DEFB123: variants seen among roughly 807,000 people sequenced by gnomAD.
The protein encoded by DEFB123 is defensin beta 123.
For missense variants in DEFB123, 71 were observed against 75.0 expected (o/e 0.95, Z 0.20); for synonymous variants, 22 against 28.3 (o/e 0.78, Z 0.71).
intron 1 of DEFB123, among the ~76,000 whole-genome samples, chr20:31,448,297 G>A (rs1480950991): frequency 6.6e-6 from 1 of 151,856 alleles, no homozygotes; most frequent in East Asian, 1.9e-4. Context: ...CCTTTCACTT[G>A]ATTTTGCAAT....
intron 1 of DEFB123, among the ~76,000 whole-genome samples, chr20:31,446,619 T>C (rs1266404766): frequency 6.6e-6 from 1 of 152,250 alleles, no homozygotes; most frequent in African/African-American, 2.4e-5. Flanking sequence ...AGGCCGGTCT[T>C]GTGCAGTTCC....
intron 1 of DEFB123, among the ~76,000 whole-genome samples, chr20:31,446,244 A>G (rs1037573506): frequency 3.9e-4 from 59 of 152,264 alleles, no homozygotes; most frequent in Admixed American, 3.9e-3. Flanking sequence ...GATAGACTTC[A>G]AAGCAAGGCA....
intron 1 of DEFB123, among the ~76,000 whole-genome samples, chr20:31,445,048 C>T (rs780871259): frequency 1.3e-5 from 2 of 152,116 alleles, no homozygotes; most frequent in Non-Finnish European, 2.9e-5. Context: ...TACAAGTTAT[C>T]TGTTGAAAAA....
intron 1 of DEFB123, among the ~76,000 whole-genome samples, chr20:31,448,180 GC>G (rs1368006960): frequency 6.6e-6 from 1 of 152,058 alleles, no homozygotes; most frequent in African/African-American, 2.4e-5. Flanking sequence ...CTCCCAAAGT[GC>G]TGGGATTTCA....
At chr20:31,447,684 A>G (rs1979623875) in intron 1 of DEFB123, among the ~76,000 whole-genome samples, 1 of 148,646 alleles carries the variant, frequency 6.7e-6, no homozygotes, top group Non-Finnish European at 1.5e-5. Flanking sequence ...TGGCGTGACC[A>G]CAGCTCACTG....
chr20:31,448,503 T>C (rs1187190497), intron 1 of DEFB123, among the ~76,000 whole-genome samples: 9 of 150,976 alleles, frequency 6.0e-5, no homozygotes, highest in Non-Finnish European at 1.2e-4. Flanking sequence ...AGACTACTTG[T>C]TATTGTCCCA....
At chr20:31,449,904 G>GTCTT in intron 1 of DEFB123, 125 bp from the exon 2 acceptor site, 1 of 1,201,476 alleles carries the variant, frequency 8.3e-7, no homozygotes, top group East Asian at 2.8e-5. Context: ...TAGATGAAAA[G>GTCTT]AGTCAAAGGC....
rs74644711 is a variant in DEFB123 at position 31,444,667 on chromosome 20, G to A, written c.58+3911G>A. 4.6e-5 allele frequency among the ~76,000 whole-genome samples: 7 copies of A among 152,278 alleles called. No individual in the cohort carries two copies. The East Asian group carries it at 1.3e-3, about 29-fold the overall frequency. On this transcript the variant is annotated intron_variant, in intron 1 of 1. Transcript: ENST00000376309. The stretch of plus-strand genomic sequence containing the variant: ...AAAAATTGAGATTTTGTTGTTAAAT[G>A]GTGGCTTTTTCCTTATCTTTTTGTA...
At chr20:31,449,936 A>G (rs1228110730) in intron 1 of DEFB123, 93 bp from the exon 2 acceptor site, 7 of 1,419,862 alleles carry the variant, frequency 4.9e-6, no homozygotes, top group African/African-American at 2.9e-5. Flanking sequence ...GGGACCTTCT[A>G]TCTCATCTGT....
At chr20:31,446,946 C>CAAAAAA (rs61153733) in intron 1 of DEFB123, among the ~76,000 whole-genome samples, 8 of 119,684 alleles carry the variant, frequency 6.7e-5, no homozygotes, top group East Asian at 2.6e-4. Context: ...GACTCCATCT[C>CAAAAAA]AAAAAAAAAA....
intron 1 of DEFB123, among the ~76,000 whole-genome samples, chr20:31,443,546 C>T (rs56043925): frequency 6.3e-4 from 96 of 152,324 alleles, no homozygotes; most frequent in African/African-American, 2.0e-3. Flanking sequence ...CAATTTCTTT[C>T]GACCAATCTG....
intron 1 of DEFB123, among the ~76,000 whole-genome samples, chr20:31,442,616 T>A (rs1273085051): frequency 6.7e-6 from 1 of 149,772 alleles, no homozygotes; most frequent in Non-Finnish European, 1.5e-5. Flanking sequence ...TTTTTTTTTT[T>A]TGGAGACAGG....
intron 1 of DEFB123, among the ~76,000 whole-genome samples, chr20:31,443,573 G>A (rs948227536): frequency 6.6e-6 from 1 of 152,232 alleles, no homozygotes; most frequent in Admixed American, 6.5e-5. Context: ...CATAGCAAGA[G>A]ACTCTCTTGC....
rs755937654 is a variant in DEFB123 at position 31,450,129 on chromosome 20, C to G, written c.159C>G (p.Cys53Trp). ...ACTGCATAAATAATAAAATGTGCTG[C>G]GTGAAGCCCAAGTACCAGCCAAAAG... ...YVYCINNKMC[C>W]VKPKYQPKER... Residue 53 changes from cysteine to tryptophan, a missense_variant, in exon 2 of 2, where the codon TGC (cysteine) becomes TGG (tryptophan). Transcript: ENST00000376309. 3.1e-6 allele frequency: 5 copies of G among 1,611,676 alleles called. No individual in the cohort carries two copies. Among genetic ancestry groups the G allele is most frequent in the South Asian group, 1.1e-5 (1 of 90,700 alleles).
chr20:31,449,923 C>T (rs1979694484), intron 1 of DEFB123, 106 bp from the exon 2 acceptor site: 1 of 1,372,072 alleles, frequency 7.3e-7, no homozygotes. Context: ...GCAAGGGAAA[C>T]AAGGGACCTT....
rs769808723 is a variant in DEFB123, at chr20:31,440,762, C to T, written c.58+6C>T. ...CTTATCCCAGCTGACTCCAGGTAAC[C>T]TGAACCTCCTTAAGGAAGGGGCAGG... is the stretch of plus-strand genomic sequence containing the variant. On this transcript the variant is annotated splice_donor_region_variant and intron_variant, in intron 1 of 1. Coordinates refer to ENST00000376309, the MANE Select transcript of DEFB123 (RefSeq NM_153324.4). 4 of 1,613,194 alleles carry T rather than the reference C, an allele frequency of 2.5e-6. No homozygotes were observed. The Admixed American group carries it at 6.7e-5, about 27-fold the overall frequency.
Position 31,446,957 on chromosome 20 carries a change from AAAAC to A in DEFB123, c.59-3068_59-3065del, listed in dbSNP as rs1979602086. On this transcript the variant is annotated intron_variant, in intron 1 of 1. Coordinates refer to ENST00000376309, the MANE Select transcript of DEFB123 (RefSeq NM_153324.4). Reference sequence around the variant, plus strand: ...GTGAGACTCCATCTCAAAAAAAAAAAAAACAAAAACAAAAACAAAAATAGGCCCG... The same window carrying A: ...GTGAGACTCCATCTCAAAAAAAAAAAAAAAACAAAAACAAAAATAGGCCCG... Among the ~76,000 whole-genome samples the A allele has an allele frequency of 4.9e-5, 7 of 141,730 alleles. No homozygotes were observed. In the South Asian group the frequency reaches 1.4e-3, roughly 28 times the overall value. The allele number at this position is 141,730 out of a possible 152,430, so 93.0% of individuals were successfully genotyped here.
chr20:31,445,121 A>G (rs1412459338), intron 1 of DEFB123, among the ~76,000 whole-genome samples: 1 of 152,250 alleles, frequency 6.6e-6, no homozygotes, highest in Non-Finnish European at 1.5e-5. Flanking sequence ...TACTCAAGGT[A>G]AAATTCAATG....
At chr20:31,449,618 G>T (rs1214073975) in intron 1 of DEFB123, among the ~76,000 whole-genome samples, 2 of 151,912 alleles carry the variant, frequency 1.3e-5, no homozygotes, top group African/African-American at 4.8e-5. Flanking sequence ...AGACTACAGG[G>T]TGGGCCAGGC....
Sources: gnomAD v4.1 joint callset for allele counts (sites outside exome capture counted in the v4.1 genomes callset) on GRCh38, gnomAD v4.1.1 for gene constraint, MANE v1.5 for transcripts, NCBI Gene and HGNC (gene_info 2026-07-23, HGNC 2026-07-21) for gene names.